Variants in GRB10 observed in about 807,000 individuals in gnomAD.
GRB10 encodes growth factor receptor bound protein 10, also known as growth factor receptor-bound protein 10.
GRB10 carries 20 observed loss-of-function variants against 80.9 expected under a neutral mutation model. That is an observed-to-expected ratio of 0.25 (90% CI 0.17 to 0.36). GRB10 has a LOEUF of 0.36. GRB10 is among the 10% of genes least tolerant of loss of function. GRB10 has a pLI of 1.00. For missense variants in GRB10, 548 were observed against 747.7 expected (o/e 0.73, Z 3.12); for synonymous variants, 291 against 291.5 (o/e 1.00, Z 0.02).
chr7:50,665,829 G>A (rs985605320), intron 7 of GRB10, among the ~76,000 whole-genome samples: 2 of 152,198 alleles, frequency 1.3e-5, no homozygotes, highest in Admixed American at 6.5e-5. Context: ...ATCCCAGCAC[G>A]TGGATCTCCG....
intron 17 of GRB10, among the ~76,000 whole-genome samples, chr7:50,599,462 C>T (rs975811592): frequency 2.0e-5 from 3 of 152,180 alleles, no homozygotes; most frequent in African/African-American, 7.2e-5. Flanking sequence ...TACACCTCCT[C>T]CCTACACCCA....
At chr7:50,705,018 G>T in intron 4 of GRB10, 1 of 421,058 alleles carries the variant, frequency 2.4e-6, no homozygotes, top group Non-Finnish European at 3.2e-6. Context: ...AGCAGGCCTT[G>T]GGAATGTGAC....
At chr7:50,639,880 A>AT (rs1486290360) in intron 7 of GRB10, among the ~76,000 whole-genome samples, 1 of 152,246 alleles carries the variant, frequency 6.6e-6, no homozygotes, top group African/African-American at 2.4e-5. Flanking sequence ...TAAAATGGAT[A>AT]TGCATAGCCT....
At chr7:50,725,701 T>G (rs1242731671) in intron 4 of GRB10, among the ~76,000 whole-genome samples, 1 of 152,194 alleles carries the variant, frequency 6.6e-6, no homozygotes, top group South Asian at 2.1e-4. Flanking sequence ...TCTGTGGGGA[T>G]TTAACCCCCA....
At position 50,595,520 on chromosome 7, in the gene GRB10, G is replaced by T; in HGVS notation, c.1555C>A (p.Leu519Ile). 2 of 1,603,642 alleles carry T rather than the reference G, an allele frequency of 1.2e-6. No homozygotes were observed. The highest frequency in any genetic ancestry group is 1.7e-6 in the Non-Finnish European group (2 of 1,170,958). The change falls in exon 18 of 19, where the codon CTC becomes ATC. Residue 519 changes from leucine (L) to isoleucine (I), a missense_variant. Physicochemically the swap from Leu to Ile is conservative, Grantham distance 5. This residue lies in a region of GRB10 where 270 missense variants were observed against 433.6 expected (regional missense o/e 0.62). Transcript: ENST00000401949. ...QQGLVDGLFLLRDSQSNPKAF... is the reference protein window; with the variant it reads ...QQGLVDGLFLIRDSQSNPKAF... ...TTTGGATTACTCTGGCTGTCACGGA[G>T]GAGAAAAAGCCTGGGGAAGGGAAAA...
At chr7:50,649,400 G>A (rs1685018606) in intron 7 of GRB10, among the ~76,000 whole-genome samples, 2 of 152,218 alleles carry the variant, frequency 1.3e-5, no homozygotes, top group Admixed American at 1.3e-4. Context: ...TCAGGAAAGA[G>A]CCTCTGTGTG....
chr7:50,707,697 GA>G, intron 4 of GRB10, among the ~76,000 whole-genome samples: 1 of 152,216 alleles, frequency 6.6e-6, no homozygotes, highest in South Asian at 2.1e-4. Flanking sequence ...ACTACATTCA[GA>G]AGACATGCTA....
chr7:50,725,053 G>A (rs2068380752), intron 4 of GRB10, among the ~76,000 whole-genome samples: 1 of 152,136 alleles, frequency 6.6e-6, no homozygotes, highest in South Asian at 2.1e-4. Flanking sequence ...CTGCTCTGCT[G>A]GTTACCTGCC....
chr7:50,729,700 G>A (rs1481025958), intron 4 of GRB10, among the ~76,000 whole-genome samples: 1 of 152,096 alleles, frequency 6.6e-6, no homozygotes, highest in African/African-American at 2.4e-5. Context: ...CAGACAATGA[G>A]CTATAGGACC....
intron 6 of GRB10, among the ~76,000 whole-genome samples, chr7:50,673,691 G>A (rs2060597803): frequency 6.6e-6 from 1 of 151,888 alleles, no homozygotes; most frequent in Non-Finnish European, 1.5e-5. Context: ...CTGCCCCCAC[G>A]ACCCCTGGCA....
At chr7:50,718,598 G>A (rs967500937) in intron 4 of GRB10, among the ~76,000 whole-genome samples, 33 of 152,040 alleles carry the variant, frequency 2.2e-4, no homozygotes, top group African/African-American at 7.5e-4. Context: ...TCTTAAACCC[G>A]CACTCTACAT....
chr7:50,645,614 GC>G, intron 7 of GRB10: 1 of 985,252 alleles, frequency 1.0e-6, no homozygotes, highest in South Asian at 4.7e-5. Context: ...TCCTCCAATC[GC>G]CCGGAGTTCT....
chr7:50,761,619 G>C (rs773525956), intron 2 of GRB10: 1 of 152,218 alleles, frequency 6.6e-6, no homozygotes, highest in Non-Finnish European at 1.5e-5. Flanking sequence ...AACTGTTCTA[G>C]GGTTCTAGAA....
At chr7:50,787,764 G>A (rs1289686160), upstream of GRB10, among the ~76,000 whole-genome samples, 1 of 152,244 alleles carries the variant, frequency 6.6e-6, no homozygotes, top group Non-Finnish European at 1.5e-5. Flanking sequence ...TCTCCTCTCT[G>A]GAGGGGATTC....
chr7:50,733,435 G>A (rs1043804035), intron 3 of GRB10, among the ~76,000 whole-genome samples: 1 of 152,128 alleles, frequency 6.6e-6, no homozygotes, highest in African/African-American at 2.4e-5. Flanking sequence ...ACAGCTAAAA[G>A]GAACAGAAGC....
Position 50,644,161 on chromosome 7 carries a change from A to G in GRB10, c.505-17183T>C, listed in dbSNP as rs187731513. 2.4e-4 allele frequency among the ~76,000 whole-genome samples: 37 copies of G among 152,156 alleles called. No homozygotes were observed. The East Asian group carries it at 5.8e-3, about 24-fold the overall frequency. On this transcript the variant is annotated intron_variant, in intron 7 of 18. Transcript: ENST00000401949. ...TATCCCGGATATTTATGTCCAAAAC[A>G]CTCAGCCAGTGTGGCTCAATCACAG... is the stretch of plus-strand genomic sequence containing the variant.
chr7:50,646,782 T>C (rs1166914693), intron 7 of GRB10, among the ~76,000 whole-genome samples: 1 of 152,246 alleles, frequency 6.6e-6, no homozygotes, highest in African/African-American at 2.4e-5. Context: ...GGAGGCCTTT[T>C]TCTCCAGAAA....
chr7:50,726,478 T>C (rs1209537528), intron 4 of GRB10, among the ~76,000 whole-genome samples: 3 of 152,150 alleles, frequency 2.0e-5, no homozygotes, highest in Non-Finnish European at 4.4e-5. Flanking sequence ...AAAATCAGAC[T>C]TTAAGCCCAT....
intron 5 of GRB10, among the ~76,000 whole-genome samples, chr7:50,689,821 T>C (rs1327566603): frequency 2.6e-5 from 4 of 152,092 alleles, no homozygotes; most frequent in African/African-American, 9.7e-5. Context: ...AGAGGGTTTT[T>C]TTTTTTATTT....
Sources: gnomAD v4.1 joint callset for allele counts (sites outside exome capture counted in the v4.1 genomes callset) on GRCh38, gnomAD v4.1.1 for gene constraint, gnomAD v4.1.1 regional missense constraint, MANE v1.5 for transcripts, NCBI Gene and HGNC (gene_info 2026-07-23, HGNC 2026-07-21) for gene names.